The following DTX4 variants were observed in gnomAD, a reference collection of about 807,000 sequenced individuals.
The protein encoded by DTX4 is deltex E3 ubiquitin ligase 4.
A neutral mutation model predicts 57.6 loss-of-function variants in DTX4; 28 were observed. That is an observed-to-expected ratio of 0.49 (90% CI 0.36 to 0.67). The LOEUF is 0.67. Ranked by LOEUF, DTX4 falls within the 30% of genes least tolerant of loss-of-function variation. The pLI is 0.00. For synonymous variants in DTX4, 316 were observed against 331.0 expected (o/e 0.95, Z 0.49); for missense variants, 715 against 836.8 (o/e 0.85, Z 1.80).
At chr11:59,200,879 C>T (rs1207110972) in intron 8 of DTX4, among the ~76,000 whole-genome samples, 3 of 152,222 alleles carry the variant, frequency 2.0e-5, no homozygotes. Context: ...CTCCAAATTT[C>T]CGCTGCTTAC....
chr11:59,190,776 G>A (rs536555749), intron 4 of DTX4, among the ~76,000 whole-genome samples: 3 of 152,256 alleles, frequency 2.0e-5, no homozygotes, highest in Admixed American at 6.5e-5. Flanking sequence ...TCTATTTAAC[G>A]TGTAACAGTT....
At chr11:59,181,609 G>C (rs1277321668) in intron 1 of DTX4, 130 bp from the exon 2 acceptor site, 1 of 1,302,968 alleles carries the variant, frequency 7.7e-7, no homozygotes, top group African/African-American at 1.5e-5. Context: ...ACTTCAGGCA[G>C]TGTCATGCCC....
chr11:59,180,416 G>A (rs1177315976), intron 1 of DTX4, among the ~76,000 whole-genome samples: 1 of 152,184 alleles, frequency 6.6e-6, no homozygotes, highest in Admixed American at 6.5e-5. Flanking sequence ...TGGAGATGGG[G>A]TGGGGGGCAG....
intron 7 of DTX4, among the ~76,000 whole-genome samples, chr11:59,196,956 C>T (rs1405606731): frequency 6.6e-6 from 1 of 152,214 alleles, no homozygotes; most frequent in Non-Finnish European, 1.5e-5. Context: ...TCCCCCACCA[C>T]CCCGGTCCAT....
chr11:59,205,283 T>G lies in DTX4; in HGVS notation c.*374T>G, dbSNP rs1862791726. 1 of 199,530 alleles carries G rather than the reference T, an allele frequency of 5.0e-6. No homozygotes were observed. The highest frequency in any genetic ancestry group is 2.3e-5 in the African/African-American group (1 of 44,208). 12.4% of individuals were successfully genotyped at this position (199,530 alleles called of 1,614,324 possible). A position where few individuals can be genotyped will look rare whatever the true frequency, so the allele number is the denominator to read the frequency against. On this transcript the variant is annotated 3_prime_UTR_variant, in exon 9 of 9. Coordinates refer to ENST00000227451, the MANE Select transcript of DTX4 (RefSeq NM_015177.2). Reference sequence around the variant, plus strand: ...TATCCTGGCTTTGGGAAGCCGGGGTTTCTTGCCTCAGCCGGCTTCTTGCTA... The same window carrying G: ...TATCCTGGCTTTGGGAAGCCGGGGTGTCTTGCCTCAGCCGGCTTCTTGCTA...
intron 8 of DTX4, among the ~76,000 whole-genome samples, chr11:59,203,771 A>G (rs899004736): frequency 2.0e-5 from 3 of 152,248 alleles, no homozygotes; most frequent in African/African-American, 7.2e-5. Flanking sequence ...AAATGTCACT[A>G]TGTGTGGCAC....
Position 59,208,543 on chromosome 11 carries a change from T to C in DTX4, c.*3634T>C, listed in dbSNP as rs1318374839. 1 of 152,232 alleles carries C rather than the reference T, an allele frequency of 6.6e-6. No homozygotes were observed. The highest frequency in any genetic ancestry group is 1.5e-5 in the Non-Finnish European group (1 of 68,044). The allele number at this position is 152,232 out of a possible 1,614,324, so 9.4% of individuals were successfully genotyped here. ...CAAATAAATGTTTAATATTAATCAT[T>C]CCCAAACTGACAAGAACACAAAAAT... On this transcript the variant is annotated 3_prime_UTR_variant, in exon 9 of 9. Coordinates refer to ENST00000227451, the MANE Select transcript of DTX4 (RefSeq NM_015177.2).
chr11:59,185,786 A>T (rs756407839), intron 2 of DTX4, among the ~76,000 whole-genome samples: 1 of 152,190 alleles, frequency 6.6e-6, no homozygotes, highest in Non-Finnish European at 1.5e-5. Context: ...TGCCCCTTTT[A>T]TACTTGGGAG....
At chr11:59,198,878 C>T (rs748524343) in intron 7 of DTX4, among the ~76,000 whole-genome samples, 5 of 152,124 alleles carry the variant, frequency 3.3e-5, no homozygotes, top group African/African-American at 4.8e-5. Context: ...GAAAATTTGC[C>T]GCTTTTCATG....
At chr11:59,182,763 G>A (rs1020044763) in intron 2 of DTX4, among the ~76,000 whole-genome samples, 4 of 152,130 alleles carry the variant, frequency 2.6e-5, no homozygotes, top group South Asian at 2.1e-4. Flanking sequence ...GCAGTAATAC[G>A]CCTGTTAGGG....
intron 3 of DTX4, 130 bp downstream of exon 3, chr11:59,188,926 G>C: frequency 9.9e-7 from 1 of 1,009,204 alleles, no homozygotes; most frequent in South Asian, 1.5e-5. Flanking sequence ...TTTAGGAATT[G>C]CATGGGAAGG....
chr11:59,193,061 C>T (rs564287771), intron 6 of DTX4, among the ~76,000 whole-genome samples: 55 of 152,282 alleles, frequency 3.6e-4, no homozygotes, highest in African/African-American at 1.3e-3. Flanking sequence ...TCTGAGATCT[C>T]CCTGATAGCT....
At chr11:59,202,566 C>G (rs768997354) in intron 8 of DTX4, among the ~76,000 whole-genome samples, 1 of 152,174 alleles carries the variant, frequency 6.6e-6, no homozygotes, top group Non-Finnish European at 1.5e-5. Context: ...CCTTCCTTTA[C>G]TACTCAGCTC....
chr11:59,194,862 C>T (rs988914659), intron 6 of DTX4: 2 of 294,076 alleles, frequency 6.8e-6, no homozygotes, highest in African/African-American at 4.5e-5. Flanking sequence ...TGCTGCTCTC[C>T]AGGTCTTTCT....
At chr11:59,202,581 G>A (rs1862752518) in intron 8 of DTX4, among the ~76,000 whole-genome samples, 1 of 152,108 alleles carries the variant, frequency 6.6e-6, no homozygotes. Flanking sequence ...CAGCTCAGAA[G>A]CAACCTCCAT....
intron 2 of DTX4, among the ~76,000 whole-genome samples, chr11:59,183,325 T>C (rs776386511): frequency 1.3e-5 from 2 of 152,208 alleles, no homozygotes; most frequent in Non-Finnish European, 2.9e-5. Context: ...TAGTGATGAC[T>C]TATTATGTGC....
chr11:59,206,854 G>C lies in DTX4; in HGVS notation c.*1945G>C, dbSNP rs766790990. 1 of 152,744 alleles carries C rather than the reference G, an allele frequency of 6.5e-6. No individual in the cohort carries two copies. The highest frequency in any genetic ancestry group is 6.5e-5 in the Admixed American group (1 of 15,304). 9.5% of individuals were successfully genotyped at this position (152,744 alleles called of 1,614,324 possible). ...TGGGAGGAATTGCTCTGCCATCCTT[G>C]TCCCTGTGTCTCCTGTCGGCAGGCA... is the stretch of plus-strand genomic sequence containing the variant. On this transcript the variant is annotated 3_prime_UTR_variant, in exon 9 of 9. Coordinates refer to ENST00000227451, the MANE Select transcript of DTX4 (RefSeq NM_015177.2).
upstream of DTX4, among the ~76,000 whole-genome samples, chr11:59,171,839 A>AAG (rs902235603): frequency 2.0e-5 from 3 of 151,908 alleles, no homozygotes; most frequent in South Asian, 4.2e-4. Flanking sequence ...AGGAAAAAAA[A>AAG]AGAGAGAGAG....
At chr11:59,184,820 A>T (rs2135516725) in intron 2 of DTX4, among the ~76,000 whole-genome samples, 1 of 151,696 alleles carries the variant, frequency 6.6e-6, no homozygotes, top group South Asian at 2.1e-4. Context: ...GCCCCTGCCT[A>T]CTCCTCTCGA....
Sources: gnomAD v4.1 joint callset for allele counts (sites outside exome capture counted in the v4.1 genomes callset) on GRCh38, gnomAD v4.1.1 for gene constraint, MANE v1.5 for transcripts, NCBI Gene and HGNC (gene_info 2026-07-23, HGNC 2026-07-21) for gene names.